Variants in ARHGAP26 observed in about 807,000 individuals in gnomAD.
The protein encoded by ARHGAP26 is rho GTPase-activating protein 26.
ARHGAP26 carries 38 observed loss-of-function variants against 104.8 expected under a neutral mutation model. That is an observed-to-expected ratio of 0.36 (90% CI 0.28 to 0.48). The LOEUF is 0.48. Ranked by LOEUF, ARHGAP26 falls within the 20% of genes least tolerant of loss-of-function variation. The pLI is 0.99. For synonymous variants in ARHGAP26, 341 were observed against 340.0 expected, an observed-to-expected ratio of 1.00 and a Z score of -0.03; for missense variants, 704 against 947.9, an observed-to-expected ratio of 0.74 and a Z score of 3.38.
rs142553917 is a variant in ARHGAP26 at position 143,188,581 on chromosome 5, T to C, written c.1989-18617T>C. On this transcript the variant is annotated intron_variant, in intron 20 of 22. Transcript: ENST00000645722. Reference sequence around the variant, plus strand: ...TCATGATAAGGCTGGGTGACAATGTTGGAAGAAGGAAGAGCTGACAGAGAC... The same window carrying C: ...TCATGATAAGGCTGGGTGACAATGTCGGAAGAAGGAAGAGCTGACAGAGAC... 5.1e-3 allele frequency among the ~76,000 whole-genome samples: 779 copies of C among 152,234 alleles called. 9 individuals carry two copies. Among genetic ancestry groups the C allele is most frequent in the African/African-American group, 0.018 (741 of 41,536 alleles).
chr5:142,820,215 C>G (rs949392124), intron 1 of ARHGAP26, among the ~76,000 whole-genome samples: 4 of 152,180 alleles, frequency 2.6e-5, no homozygotes, highest in Non-Finnish European at 5.9e-5. Context: ...TCAAGAGTTT[C>G]AGGAGACCCC....
intron 20 of ARHGAP26, among the ~76,000 whole-genome samples, chr5:143,177,491 A>G (rs1206387539): frequency 6.6e-6 from 1 of 152,238 alleles, no homozygotes; most frequent in East Asian, 1.9e-4. Flanking sequence ...CTGGCACGTC[A>G]GTAGCAGACA....
chr5:142,899,553 G>T (rs1759977850), intron 6 of ARHGAP26, among the ~76,000 whole-genome samples: 1 of 152,104 alleles, frequency 6.6e-6, no homozygotes, highest in Non-Finnish European at 1.5e-5. Context: ...TTGATAACCA[G>T]GTGGGACTGC....
intron 12 of ARHGAP26, among the ~76,000 whole-genome samples, chr5:143,017,619 A>C (rs913835507): frequency 1.3e-5 from 2 of 152,040 alleles, no homozygotes; most frequent in African/African-American, 4.8e-5. Flanking sequence ...TGTGTTAATA[A>C]ATGGTTCTGG....
At chr5:142,913,063 C>A in intron 9 of ARHGAP26, 136 bp from the exon 10 acceptor site, 1 of 755,180 alleles carries the variant, frequency 1.3e-6, no homozygotes, top group South Asian at 1.6e-5. Context: ...TATAGTCACC[C>A]TTCCACTGCC....
At chr5:142,927,370 A>G (rs1764064150) in intron 10 of ARHGAP26, among the ~76,000 whole-genome samples, 1 of 151,296 alleles carries the variant, frequency 6.6e-6, no homozygotes, top group South Asian at 2.1e-4. Flanking sequence ...TTCTGTTGCC[A>G]TAGATGAGTT....
intron 12 of ARHGAP26, among the ~76,000 whole-genome samples, chr5:143,014,923 A>G (rs113737695): frequency 0.026 from 3,897 of 152,292 alleles, 179 homozygotes; most frequent in African/African-American, 0.088. Context: ...TGTGAATTCC[A>G]GTTGTGTTAG....
At chr5:143,037,782 A>G (rs1056415940) in intron 13 of ARHGAP26, among the ~76,000 whole-genome samples, 9 of 152,248 alleles carry the variant, frequency 5.9e-5, no homozygotes, top group African/African-American at 1.7e-4. Context: ...TAGTGAAGAT[A>G]AAGATGTAAT....
intron 14 of ARHGAP26, among the ~76,000 whole-genome samples, chr5:143,050,563 T>C (rs1323716942): frequency 2.0e-5 from 3 of 152,078 alleles, no homozygotes; most frequent in Admixed American, 2.0e-4. Flanking sequence ...TTTCACAGAG[T>C]GGCATAAATA....
intron 17 of ARHGAP26, among the ~76,000 whole-genome samples, chr5:143,090,737 C>T (rs921460559): frequency 2.0e-5 from 3 of 152,132 alleles, no homozygotes; most frequent in Non-Finnish European, 2.9e-5. Context: ...TAGGAAATTG[C>T]AAAAACCTGT....
intron 17 of ARHGAP26, among the ~76,000 whole-genome samples, chr5:143,110,404 C>T (rs1441721275): frequency 1.3e-5 from 2 of 152,178 alleles, no homozygotes; most frequent in African/African-American, 4.8e-5. Context: ...GCTGGGTCAC[C>T]TTGCACTTTC....
intron 17 of ARHGAP26, among the ~76,000 whole-genome samples, chr5:143,109,216 G>C (rs1420467561): frequency 6.6e-6 from 1 of 152,176 alleles, no homozygotes; most frequent in African/African-American, 2.4e-5. Context: ...CTAAGATTCT[G>C]TTCTTCCACC....
chr5:142,804,707 G>A (rs544167863), intron 1 of ARHGAP26, among the ~76,000 whole-genome samples: 2 of 152,192 alleles, frequency 1.3e-5, no homozygotes, highest in East Asian at 3.9e-4. Flanking sequence ...GCCTAGGCTG[G>A]TCTCAAACTC....
chr5:142,902,076 T>A, intron 7 of ARHGAP26, 37 bp downstream of exon 7: 4 of 1,577,500 alleles, frequency 2.5e-6, no homozygotes, highest in Non-Finnish European at 3.5e-6. Flanking sequence ...TTTATCTGGT[T>A]AAGGAAAAAC....
chr5:143,220,886 C>G (rs887600165), intron 22 of ARHGAP26, among the ~76,000 whole-genome samples: 1 of 152,050 alleles, frequency 6.6e-6, no homozygotes, highest in East Asian at 1.9e-4. Context: ...TCTGTTCTTG[C>G]GTCTTTCCCT....
chr5:142,892,067 G>T (rs1207294924), intron 5 of ARHGAP26, among the ~76,000 whole-genome samples: 1 of 151,932 alleles, frequency 6.6e-6, no homozygotes, highest in East Asian at 1.9e-4. Flanking sequence ...AGAGGGAGAA[G>T]TGAAATTGAG....
intron 11 of ARHGAP26, among the ~76,000 whole-genome samples, chr5:142,974,198 T>C (rs1160384166): frequency 6.6e-6 from 1 of 151,752 alleles, no homozygotes; most frequent in Non-Finnish European, 1.5e-5. Flanking sequence ...TTTATGTTTG[T>C]ATTTCAGTTT....
At chr5:143,026,709 T>C (rs59330774) in intron 12 of ARHGAP26, among the ~76,000 whole-genome samples, 17,817 of 149,838 alleles carry the variant, frequency 0.12, 1,481 homozygotes, top group South Asian at 0.29. Flanking sequence ...GAGAAGTCAC[T>C]GGAGAGTTGT....
intron 1 of ARHGAP26, among the ~76,000 whole-genome samples, chr5:142,779,223 A>T (rs1756987947): frequency 6.6e-6 from 1 of 152,198 alleles, no homozygotes; most frequent in Non-Finnish European, 1.5e-5. Context: ...TGGGGTTTAC[A>T]CATTTTTGTA....
Sources: allele counts gnomAD v4.1 joint callset (sites outside exome capture counted in the v4.1 genomes callset), GRCh38; gene constraint gnomAD v4.1.1; transcripts MANE v1.5; gene names NCBI Gene and HGNC (gene_info 2026-07-23, HGNC 2026-07-21).